The following SMAD7 variants were observed in gnomAD, a reference collection of about 807,000 sequenced individuals.
SMAD7 encodes the protein MAD (mothers against decapentaplegic, Drosophila) homolog 7.
SMAD7 carries 8 observed loss-of-function variants against 38.7 expected under a neutral mutation model. The observed-to-expected ratio is 0.21, with a 90% CI of 0.12 to 0.37. SMAD7 has a LOEUF of 0.37. SMAD7 is among the 10% of genes least tolerant of loss of function. The pLI is 1.00. For missense variants in SMAD7, 477 were observed against 577.9 expected (o/e 0.83, Z 1.79); for synonymous variants, 327 against 265.1 (o/e 1.23, Z -2.27).
chr18:48,941,868 T>C (rs993341760), intron 3 of SMAD7, among the ~76,000 whole-genome samples: 5 of 152,266 alleles, frequency 3.3e-5, no homozygotes, highest in African/African-American at 1.2e-4. Context: ...CCTTCACGCA[T>C]ACCTGTGAGC....
At position 48,949,985 on chromosome 18, in the gene SMAD7, G is replaced by T. The variant is rs765484389; in HGVS notation, c.440C>A (p.Ala147Glu). The T allele has an allele frequency of 3.1e-6, 5 of 1,590,880 alleles. No individual in the cohort carries two copies. In the African/African-American group the frequency reaches 5.5e-5, roughly 17 times the overall value. Residue 147 changes from alanine to glutamate, a missense_variant, in exon 1 of 4, where the codon GCG becomes GAG. By Grantham distance (107) the Ala-to-Glu change is moderately radical. Coordinates refer to ENST00000262158, the MANE Select transcript of SMAD7 (RefSeq NM_005904.4). ...GAGCGAGTAGGACGAGGGCGGCTGC[G>T]CAGGCTGCGCGCCGGCGGGCGCCCC... ...GPGAPAGAQP[A>E]QPPSSYSLPL...
rs762653395 is a variant in SMAD7, at chr18:48,921,487, G to C, written c.1166C>G (p.Pro389Arg). The C allele has an allele frequency of 3.1e-6, 5 of 1,614,060 alleles. No homozygotes were observed. Among genetic ancestry groups the C allele is most frequent in the Non-Finnish European group, 4.2e-6 (5 of 1,180,034 alleles). ...RPNDHEFMQQ[P>R]WTGFTVQISF... is the part of the protein sequence containing the mutation. Reference sequence around the variant, plus strand: ...GATCTGCACGGTAAAGCCCGTCCACGGCTGCTGCATAAACTCGTGGTCATT... The same window carrying C: ...GATCTGCACGGTAAAGCCCGTCCACCGCTGCTGCATAAACTCGTGGTCATT... The change falls in exon 4 of 4, where the codon CCG (proline) becomes CGG (arginine). Residue 389 changes from proline (P) to arginine (R), a missense_variant. By Grantham distance (103) the Pro-to-Arg change is moderately radical (BLOSUM62 -2). This residue lies in a region of SMAD7 where 101 missense variants were observed against 198.5 expected (regional missense o/e 0.51). Coordinates refer to ENST00000262158, the MANE Select transcript of SMAD7 (RefSeq NM_005904.4). The surrounding 1 kb of genome is among the most constrained non-coding windows in gnomAD (Gnocchi z 6.4).
At chr18:48,929,000 G>C (rs898039329) in intron 3 of SMAD7, among the ~76,000 whole-genome samples, 1 of 152,076 alleles carries the variant, frequency 6.6e-6, no homozygotes, top group Non-Finnish European at 1.5e-5. Flanking sequence ...AGCCACTGCT[G>C]TCTGAGGAGG....
At chr18:48,939,386 C>T (rs1420144257) in intron 3 of SMAD7, among the ~76,000 whole-genome samples, 1 of 133,558 alleles carries the variant, frequency 7.5e-6, no homozygotes, top group African/African-American at 2.8e-5. Context: ...CCCCCCCACA[C>T]CCCCCCAAAA....
At chr18:48,932,976 G>A (rs201932209) in intron 3 of SMAD7, among the ~76,000 whole-genome samples, 11 of 152,102 alleles carry the variant, frequency 7.2e-5, no homozygotes, top group South Asian at 6.2e-4. Flanking sequence ...GGAGCCTGGC[G>A]CTAGGCTGGT....
intron 3 of SMAD7, among the ~76,000 whole-genome samples, chr18:48,927,532 T>C (rs2069943432): frequency 1.3e-5 from 2 of 152,164 alleles, no homozygotes; most frequent in Non-Finnish European, 2.9e-5. Flanking sequence ...AAGCCAGATA[T>C]GCATTTCACA....
In SMAD7 at chr18:48,950,923, C is replaced by T. The variant is rs1409973877; in HGVS notation, c.-499G>A. Reference sequence around the variant, plus strand: ...GAAGAAGGAAAAAGCCTCTTTCCCCCTTGCTAAGCAACTTAATTTGGGGGT... The same window carrying T: ...GAAGAAGGAAAAAGCCTCTTTCCCCTTTGCTAAGCAACTTAATTTGGGGGT... On this transcript the variant is annotated 5_prime_UTR_variant, in exon 1 of 4. Coordinates refer to ENST00000262158, the MANE Select transcript of SMAD7 (RefSeq NM_005904.4). 6.6e-6 allele frequency among the ~76,000 whole-genome samples: 1 copy of T among 151,580 alleles called. No homozygotes were observed. The highest frequency in any genetic ancestry group is 1.5e-5 in the Non-Finnish European group (1 of 67,864).
chr18:48,935,804 C>T (rs1421720707), intron 3 of SMAD7, among the ~76,000 whole-genome samples: 3 of 152,092 alleles, frequency 2.0e-5, no homozygotes, highest in Non-Finnish European at 4.4e-5. Flanking sequence ...GAAGGCCAGG[C>T]GTGGTGGTAC....
chr18:48,920,046 T>C lies in SMAD7; in HGVS notation c.*1326A>G, dbSNP rs2069837381. On this transcript the variant is annotated 3_prime_UTR_variant, in exon 4 of 4. Coordinates refer to ENST00000262158, the MANE Select transcript of SMAD7 (RefSeq NM_005904.4). ...TTTCTTGTTTATACACATTGCACAATACATAAATAATGATGCTTATAAAAC... is the reference window on the plus strand; with the variant it reads ...TTTCTTGTTTATACACATTGCACAACACATAAATAATGATGCTTATAAAAC... 1 of 152,556 alleles carries C rather than the reference T, an allele frequency of 6.6e-6. No individual in the cohort carries two copies. Among genetic ancestry groups the C allele is most frequent in the Non-Finnish European group, 1.5e-5 (1 of 68,026 alleles). 9.5% of individuals were successfully genotyped at this position (152,556 alleles called of 1,614,324 possible).
intron 3 of SMAD7, among the ~76,000 whole-genome samples, chr18:48,939,479 G>T (rs955689115): frequency 2.7e-5 from 4 of 150,702 alleles, no homozygotes; most frequent in Non-Finnish European, 5.9e-5. Flanking sequence ...TTCCTCCCGG[G>T]CAGTTTGCAA....
intron 3 of SMAD7, among the ~76,000 whole-genome samples, chr18:48,940,444 T>G (rs1226885475): frequency 6.6e-6 from 1 of 151,940 alleles, no homozygotes; most frequent in Non-Finnish European, 1.5e-5. Flanking sequence ...CTGGAAGAGC[T>G]TTGGGGAAAA....
chr18:48,921,263 A>AC lies in SMAD7; in HGVS notation c.*108dup. The AC allele has an allele frequency of 1.0e-6, 1 of 1,003,840 alleles. No homozygotes were observed. The highest frequency in any genetic ancestry group is 1.6e-5 in the African/African-American group (1 of 62,028). The allele number at this position is 1,003,840 out of a possible 1,614,324, so 62.2% of individuals were successfully genotyped here. A position where few individuals can be genotyped will look rare whatever the true frequency, so the allele number is the denominator to read the frequency against. On this transcript the variant is annotated 3_prime_UTR_variant, in exon 4 of 4. Coordinates refer to ENST00000262158, the MANE Select transcript of SMAD7 (RefSeq NM_005904.4). This position sits in a 1 kb window ranked among gnomAD's most constrained non-coding sequence, Gnocchi z 6.4. ...AAACCAACCAACAAACAAAAAAAAA[A>AC]CGACCAAAGAGTTTGCATGAAAAGC...
intron 3 of SMAD7, among the ~76,000 whole-genome samples, chr18:48,932,180 G>C (rs1225165144): frequency 1.3e-5 from 2 of 152,184 alleles, no homozygotes; most frequent in Non-Finnish European, 2.9e-5. Flanking sequence ...CCCAGCTCTT[G>C]ATGATCCTCA....
rs1406459537 is a variant in SMAD7, at chr18:48,949,933, C to T, written c.492G>A (p.Arg164=). 1 of 1,613,588 alleles carries T rather than the reference C, an allele frequency of 6.2e-7. No homozygotes were observed. The highest frequency in any genetic ancestry group is 1.1e-5 in the South Asian group (1 of 91,054). The part of the protein sequence containing the change: ...SLPLLLCKVF[R]WPDLRHSSEV... ...CCGAGGAATGCCTGAGATCCGGCCA[C>T]CTGAACACTTTGCACAGCAGGAGGG... The change falls in exon 1 of 4, where the codon AGG becomes AGA. Residue 164 remains arginine (R), a synonymous_variant. Transcript: ENST00000262158.
chr18:48,950,194 C>T lies in SMAD7; in HGVS notation c.231G>A (p.Pro77=), dbSNP rs1045669229. The T allele has an allele frequency of 6.7e-7, 1 of 1,486,814 alleles. No homozygotes were observed. Among genetic ancestry groups the T allele is most frequent in the Middle Eastern group, 1.9e-4 (1 of 5,254 alleles). The allele number at this position is 1,486,814 out of a possible 1,614,324, so 92.1% of individuals were successfully genotyped here. ...CGGCCGCGCCGGCGCCCGCGGCTGG[C>T]GGGTGGGGATGGTGGTGACCTTTGG... is the stretch of plus-strand genomic sequence containing the variant. The part of the protein sequence containing the change: ...RGAKGHHHPH[P]PAAGAGAAGG... Residue 77 remains proline (P), a synonymous_variant, in exon 1 of 4, where the codon CCG becomes CCA. Transcript: ENST00000262158.
At chr18:48,937,249 T>G (rs1329780174) in intron 3 of SMAD7, among the ~76,000 whole-genome samples, 8 of 146,736 alleles carry the variant, frequency 5.5e-5, no homozygotes, top group Non-Finnish European at 1.2e-4. Context: ...CAGTCAGGCT[T>G]TGCTAAGTAA....
chr18:48,929,569 T>TCTCTCTCACACACACACACACACA lies in SMAD7; in HGVS notation c.743-7660_743-7659insTGTGTGTGTGTGTGTGTGAGAGAG, dbSNP rs3082710. 1.7e-4 allele frequency among the ~76,000 whole-genome samples: 19 copies of TCTCTCTCACACACACACACACACA among 114,628 alleles called. No individual in the cohort carries two copies. The East Asian group carries it at 2.7e-3, about 16-fold the overall frequency. 75.2% of individuals were successfully genotyped at this position (114,628 alleles called of 152,430 possible). A position where few individuals can be genotyped will look rare whatever the true frequency, so the allele number is the denominator to read the frequency against. ...CTCTCTTTCTCTCTCTCTCTCTCTC[T>TCTCTCTCACACACACACACACACA]CACTCACACACACACACACACACAC... is the stretch of plus-strand genomic sequence containing the variant. On this transcript the variant is annotated intron_variant, in intron 3 of 3. Transcript: ENST00000262158.
intron 3 of SMAD7, among the ~76,000 whole-genome samples, chr18:48,929,740 G>A (rs781064593): frequency 5.3e-5 from 8 of 151,948 alleles, no homozygotes; most frequent in Non-Finnish European, 1.2e-4. Flanking sequence ...AAGAAACCAA[G>A]CTACTTTTGC....
chr18:48,921,022 TCA>T lies in SMAD7; in HGVS notation c.*348_*349del, dbSNP rs2069851356. On this transcript the variant is annotated 3_prime_UTR_variant, in exon 4 of 4. Coordinates refer to ENST00000262158, the MANE Select transcript of SMAD7 (RefSeq NM_005904.4). The surrounding 1 kb of genome is among the most constrained non-coding windows in gnomAD (Gnocchi z 6.4). ...CACGCGTGCACACACAGCCGCACAC[TCA>T]CACTCACACACACTCCTGACAAGTG... 7.1e-6 allele frequency: 2 copies of T among 282,546 alleles called. No individual in the cohort carries two copies. Among genetic ancestry groups the T allele is most frequent in the South Asian group, 5.0e-5 (1 of 20,178 alleles). The allele number at this position is 282,546 out of a possible 1,614,324, so 17.5% of individuals were successfully genotyped here. A position where few individuals can be genotyped will look rare whatever the true frequency, so the allele number is the denominator to read the frequency against.
Sources: gnomAD v4.1 joint callset for allele counts (sites outside exome capture counted in the v4.1 genomes callset) on GRCh38, gnomAD v4.1.1 for gene constraint, gnomAD v4.1.1 regional missense constraint, Gnocchi (gnomAD v3.1) non-coding constraint, MANE v1.5 for transcripts, NCBI Gene and HGNC (gene_info 2026-07-23, HGNC 2026-07-21) for gene names.